Variants in ACOT7 observed in about 807,000 individuals in gnomAD.
ACOT7 encodes acyl-CoA thioesterase 7.
In ACOT7, 12 loss-of-function variants were observed where a neutral mutation model predicts 40.2. The observed-to-expected ratio is 0.30, with a 90% confidence interval of 0.19 to 0.48. The LOEUF (loss-of-function observed/expected upper bound fraction) is 0.48, where lower values mean the gene tolerates loss of function less well. Ranked by LOEUF, ACOT7 falls within the 20% of genes least tolerant of loss-of-function variation. The pLI, the probability that ACOT7 is intolerant of heterozygous loss-of-function variation, is 0.99. For synonymous variants in ACOT7, 228 were observed against 219.5 expected (o/e 1.04, Z -0.34); for missense variants, 395 against 530.8 (o/e 0.74, Z 2.51).
rs1393830590 is a variant in ACOT7 at position 6,269,035 on chromosome 1, C to A, written c.1015-4340G>T. ...GATAAGGGGATATTCCCTGCGCAAC[C>A]CATGCTTAGGGCGCGGCAGGCTGTG... On this transcript the variant is annotated intron_variant, in intron 8 of 8. Coordinates refer to ENST00000361521, the MANE Select transcript of ACOT7 (RefSeq NM_007274.4). Among the ~76,000 whole-genome samples the A allele has an allele frequency of 2.6e-5, 4 of 152,228 alleles. No homozygotes were observed. The South Asian group carries it at 8.3e-4, about 31-fold the overall frequency.
Position 6,297,996 on chromosome 1 carries a change from A to G in ACOT7, c.713-3016T>C, listed in dbSNP as rs952560622. ...TACCATGACTTTTCCCACAGAAGCTATAAGAAGATGCTGCTAAATGAGGTA... is the reference window on the plus strand; with the variant it reads ...TACCATGACTTTTCCCACAGAAGCTGTAAGAAGATGCTGCTAAATGAGGTA... On this transcript the variant is annotated intron_variant, in intron 6 of 8. Transcript: ENST00000361521. Among the ~76,000 whole-genome samples, 35 of 152,308 alleles carry G rather than the reference A, an allele frequency of 2.3e-4. 1 individual carries two copies. The highest frequency in any genetic ancestry group is 7.7e-4 in the African/African-American group (32 of 41,566).
At chr1:6,370,775 G>C (rs1171951130) in intron 1 of ACOT7, among the ~76,000 whole-genome samples, 1 of 151,280 alleles carries the variant, frequency 6.6e-6, no homozygotes, top group African/African-American at 2.4e-5. Flanking sequence ...TTACAGGCAT[G>C]AGTCACCACG....
Position 6,264,374 on chromosome 1 carries a change from T to C in ACOT7, c.*223A>G, listed in dbSNP as rs1571248879. On this transcript the variant is annotated 3_prime_UTR_variant, in exon 9 of 9. Transcript: ENST00000361521. ...GTTTCTGCCCAACGCCTCCCGGCGC[T>C]CGGGACAACACTGTGTAGCATTGAT... is the stretch of plus-strand genomic sequence containing the variant. 5.8e-6 allele frequency: 3 copies of C among 519,622 alleles called. No individual in the cohort carries two copies. The highest frequency in any genetic ancestry group is 6.7e-5 in the East Asian group (2 of 29,782). 32.2% of individuals were successfully genotyped at this position (519,622 alleles called of 1,614,324 possible).
At chr1:6,362,430 CAAAAAAAA>C (rs1309633011) in intron 1 of ACOT7, among the ~76,000 whole-genome samples, 1 of 113,804 alleles carries the variant, frequency 8.8e-6, no homozygotes, top group Non-Finnish European at 1.9e-5. Flanking sequence ...AACTCCGTCT[CAAAAAAAA>C]AAAAGAAAAA....
At chr1:6,388,350 C>T (rs1642474560) in intron 1 of ACOT7, among the ~76,000 whole-genome samples, 1 of 151,666 alleles carries the variant, frequency 6.6e-6, no homozygotes, top group Admixed American at 6.6e-5. Flanking sequence ...ACCTCGTGAT[C>T]CGCCCACCTG....
chr1:6,298,886 C>T (rs954084000), intron 6 of ACOT7, among the ~76,000 whole-genome samples: 1 of 152,206 alleles, frequency 6.6e-6, no homozygotes, highest in African/African-American at 2.4e-5. Context: ...GTGTCAATAT[C>T]GAGGGCTTCC....
At chr1:6,348,333 G>GATAC (rs757381740) in intron 2 of ACOT7, among the ~76,000 whole-genome samples, 2 of 148,284 alleles carry the variant, frequency 1.3e-5, no homozygotes, top group Non-Finnish European at 2.9e-5. Context: ...TGCATACGCA[G>GATAC]ATACACACAC....
At chr1:6,319,175 TC>T (rs1640575465) in intron 5 of ACOT7, among the ~76,000 whole-genome samples, 1 of 152,196 alleles carries the variant, frequency 6.6e-6, no homozygotes. Context: ...ACATATAACG[TC>T]CAGTCTCTAG....
chr1:6,385,732 T>C, intron 1 of ACOT7: 1 of 1,543,718 alleles, frequency 6.5e-7, no homozygotes, highest in Non-Finnish European at 8.7e-7. Flanking sequence ...CCCAAGCCTG[T>C]GTCTGCCTGG....
At chr1:6,265,487 C>G (rs1439720188) in intron 8 of ACOT7, among the ~76,000 whole-genome samples, 4 of 152,238 alleles carry the variant, frequency 2.6e-5, no homozygotes, top group African/African-American at 9.6e-5. Flanking sequence ...CCAGGGACCC[C>G]ATCTCATTGG....
intron 6 of ACOT7, among the ~76,000 whole-genome samples, chr1:6,296,583 C>G (rs1022108578): frequency 1.3e-5 from 2 of 152,108 alleles, no homozygotes; most frequent in African/African-American, 4.8e-5. Context: ...GCCACTATGC[C>G]CAGCTAATTT....
intron 1 of ACOT7, among the ~76,000 whole-genome samples, chr1:6,367,441 G>A (rs1465612990): frequency 1.3e-5 from 2 of 152,192 alleles, no homozygotes; most frequent in African/African-American, 4.8e-5. Flanking sequence ...TCCCATGCCT[G>A]CCAAGGACAA....
chr1:6,310,516 C>A (rs931634862), intron 6 of ACOT7, among the ~76,000 whole-genome samples: 2 of 152,188 alleles, frequency 1.3e-5, no homozygotes, highest in Non-Finnish European at 2.9e-5. Context: ...CTGGAGAGGT[C>A]CAGGGACATG....
intron 2 of ACOT7, among the ~76,000 whole-genome samples, chr1:6,346,429 C>G (rs1481502306): frequency 1.3e-5 from 2 of 152,184 alleles, no homozygotes; most frequent in Non-Finnish European, 2.9e-5. Context: ...CTGTGGATAT[C>G]TGGGGAAAGC....
chr1:6,288,751 G>A lies in ACOT7; in HGVS notation c.829+6113C>T, dbSNP rs1006356179. On this transcript the variant is annotated intron_variant, in intron 7 of 8. Transcript: ENST00000361521. The surrounding 1 kb of genome is among the most constrained non-coding windows in gnomAD (Gnocchi z 4.3). ...GGGTGGCAGTGGCCTCCATGGCCGC[G>A]GGTGAGGCCTCTCCCAGCCACGACA... Among the ~76,000 whole-genome samples the A allele has an allele frequency of 5.9e-5, 9 of 152,216 alleles. No individual in the cohort carries two copies. Among genetic ancestry groups the A allele is most frequent in the East Asian group, 1.9e-4 (1 of 5,192 alleles).
In ACOT7 at chr1:6,352,218, C is replaced by G. The variant is rs1557663846; in HGVS notation, c.144-2352G>C. On this transcript the variant is annotated intron_variant, in intron 1 of 8. Coordinates refer to ENST00000361521, the MANE Select transcript of ACOT7 (RefSeq NM_007274.4). This position sits in a 1 kb window ranked among gnomAD's most constrained non-coding sequence, Gnocchi z 4.5. Reference sequence around the variant, plus strand: ...AATGCACAAGGCTCAAAGCCCAACTCACTTACCCCTTCTCCCTTTCCCCAA... The same window carrying G: ...AATGCACAAGGCTCAAAGCCCAACTGACTTACCCCTTCTCCCTTTCCCCAA... 2 of 152,682 alleles carry G rather than the reference C, an allele frequency of 1.3e-5. No homozygotes were observed. The highest frequency in any genetic ancestry group is 1.3e-4 in the Admixed American group (2 of 15,278). The allele number at this position is 152,682 out of a possible 1,614,324, so 9.5% of individuals were successfully genotyped here.
chr1:6,300,920 G>A (rs958439575), intron 6 of ACOT7, among the ~76,000 whole-genome samples: 14 of 152,380 alleles, frequency 9.2e-5, no homozygotes, highest in Admixed American at 9.1e-4. Context: ...TCAGGAACCA[G>A]ACACATGGAG....
chr1:6,337,636 A>T (rs1641141804), intron 3 of ACOT7, among the ~76,000 whole-genome samples: 1 of 151,858 alleles, frequency 6.6e-6, no homozygotes, highest in Admixed American at 6.6e-5. Flanking sequence ...GCCATGCTGA[A>T]AGCCTGAGAA....
intron 1 of ACOT7, among the ~76,000 whole-genome samples, chr1:6,365,253 C>T (rs974566553): frequency 6.6e-6 from 1 of 152,160 alleles, no homozygotes; most frequent in African/African-American, 2.4e-5. Flanking sequence ...GGTCTGTTCA[C>T]AGTCTCGGTC....
Sources: allele counts gnomAD v4.1 joint callset (sites outside exome capture counted in the v4.1 genomes callset), GRCh38; gene constraint gnomAD v4.1.1; non-coding constraint Gnocchi (gnomAD v3.1); transcripts MANE v1.5; gene names NCBI Gene and HGNC (gene_info 2026-07-23, HGNC 2026-07-21).